The following CREBRF variants were observed in gnomAD, a reference collection of about 807,000 sequenced individuals.
CREBRF encodes the protein CREB3 regulatory factor, also known as UPF0474 protein C5orf41.
CREBRF carries 5 observed loss-of-function variants against 66.1 expected under a neutral mutation model. The observed-to-expected ratio is 0.08, with a 90% CI of 0.04 to 0.16. The LOEUF is 0.16. CREBRF is among the 10% of genes least tolerant of loss of function. CREBRF has a pLI of 1.00. For missense variants in CREBRF, 531 were observed against 744.9 expected, an observed-to-expected ratio of 0.71 and a Z score of 3.34; for synonymous variants, 229 against 264.4, an observed-to-expected ratio of 0.87 and a Z score of 1.30.
intron 4 of CREBRF, among the ~76,000 whole-genome samples, chr5:173,098,335 C>T (rs1036683628): frequency 2.0e-5 from 3 of 152,104 alleles, no homozygotes; most frequent in East Asian, 1.9e-4. Context: ...TACAGGCGCC[C>T]GCCACTACGC....
chr5:173,114,884 G>A (rs1228909983), intron 7 of CREBRF, among the ~76,000 whole-genome samples: 1 of 152,142 alleles, frequency 6.6e-6, no homozygotes, highest in Non-Finnish European at 1.5e-5. Flanking sequence ...GATGAATATG[G>A]CATCAGAGGA....
chr5:173,082,645 T>C (rs536126216), intron 2 of CREBRF, among the ~76,000 whole-genome samples: 65 of 151,032 alleles, frequency 4.3e-4, no homozygotes, highest in African/African-American at 1.5e-3. Flanking sequence ...CAGTGGCTCA[T>C]ATCTGTAATC....
At chr5:173,111,118 T>TA (rs1437731105) in intron 6 of CREBRF, among the ~76,000 whole-genome samples, 2 of 152,204 alleles carry the variant, frequency 1.3e-5, no homozygotes, top group Admixed American at 1.3e-4. Flanking sequence ...TTCATCATCT[T>TA]AAAAAGTTTC....
At chr5:173,081,771 CT>C (rs1757950975) in intron 2 of CREBRF, among the ~76,000 whole-genome samples, 1 of 151,934 alleles carries the variant, frequency 6.6e-6, no homozygotes, top group Non-Finnish European at 1.5e-5. Flanking sequence ...AATACAAAAA[CT>C]AGCTGAGTGT....
chr5:173,104,711 C>CAGAGAGAG (rs112995190), intron 4 of CREBRF, among the ~76,000 whole-genome samples: 1 of 146,506 alleles, frequency 6.8e-6, no homozygotes, highest in African/African-American at 2.5e-5. Context: ...GCAACAAATT[C>CAGAGAGAG]AGAGAGAGAG....
Position 173,131,178 on chromosome 5 carries a change from CCTCTAT to C in CREBRF, c.1805-2449_1805-2444del, listed in dbSNP as rs1344767687. ...TTTTGCTACATTTGCTTTATTTCTACCTCTATCTACATGTGTATTTTGGACAGGGAA... is the reference window on the plus strand; with the variant it reads ...TTTTGCTACATTTGCTTTATTTCTACCTACATGTGTATTTTGGACAGGGAA... On this transcript the variant is annotated intron_variant, in intron 8 of 8. Transcript: ENST00000296953. 3.3e-5 allele frequency among the ~76,000 whole-genome samples: 5 copies of C among 152,286 alleles called. No individual in the cohort carries two copies. The East Asian group carries it at 9.6e-4, about 29-fold the overall frequency.
At chr5:173,102,612 G>C (rs1245384375) in intron 4 of CREBRF, among the ~76,000 whole-genome samples, 1 of 152,122 alleles carries the variant, frequency 6.6e-6, no homozygotes, top group African/African-American at 2.4e-5. Context: ...AACCGGCAGT[G>C]GGGTGGGCTT....
At chr5:173,078,418 C>T (rs1245118452) in intron 1 of CREBRF, among the ~76,000 whole-genome samples, 1 of 151,822 alleles carries the variant, frequency 6.6e-6, no homozygotes, top group Non-Finnish European at 1.5e-5. Context: ...TATACAACAT[C>T]TCCTTATTCA....
At chr5:173,099,892 C>CT (rs530015508) in intron 4 of CREBRF, among the ~76,000 whole-genome samples, 5,280 of 135,812 alleles carry the variant, frequency 0.039, 139 homozygotes, top group South Asian at 0.09. Context: ...TTATATATAG[C>CT]TTTTTTTTTT....
chr5:173,097,937 C>G (rs1389825865), intron 4 of CREBRF, among the ~76,000 whole-genome samples: 3 of 151,260 alleles, frequency 2.0e-5, no homozygotes, highest in Non-Finnish European at 4.4e-5. Flanking sequence ...TCTTCTTTTT[C>G]TACTTCCTTG....
At chr5:173,117,645 CCTCT>C (rs139061048) in intron 7 of CREBRF, among the ~76,000 whole-genome samples, 42 of 67,088 alleles carry the variant, frequency 6.3e-4, no homozygotes, top group Middle Eastern at 7.8e-3. Context: ...CTCCTTCTCT[CCTCT>C]CTCTCTCTCT....
chr5:173,084,849 G>T (rs1411902235), intron 2 of CREBRF, among the ~76,000 whole-genome samples: 3 of 152,160 alleles, frequency 2.0e-5, no homozygotes, highest in Non-Finnish European at 4.4e-5. Flanking sequence ...GTTTCACTGT[G>T]TTAGCCAGGA....
At chr5:173,114,203 G>A (rs1193268347) in intron 7 of CREBRF, among the ~76,000 whole-genome samples, 1 of 152,146 alleles carries the variant, frequency 6.6e-6, no homozygotes, top group East Asian at 1.9e-4. Flanking sequence ...CTCAGTAAAT[G>A]AATTAGATAA....
At chr5:173,130,930 C>T (rs1252074966) in intron 8 of CREBRF, among the ~76,000 whole-genome samples, 1 of 152,190 alleles carries the variant, frequency 6.6e-6, no homozygotes, top group African/African-American at 2.4e-5. Context: ...TGGTCTCAAA[C>T]TCCTGACCCC....
At chr5:173,065,063 C>T (rs1377556368) in intron 1 of CREBRF, among the ~76,000 whole-genome samples, 2 of 152,174 alleles carry the variant, frequency 1.3e-5, no homozygotes, top group African/African-American at 4.8e-5. Context: ...TTTGAATCCT[C>T]TACTAGAGTT....
At chr5:173,108,173 T>A (rs890013627) in intron 4 of CREBRF, among the ~76,000 whole-genome samples, 28 of 151,084 alleles carry the variant, frequency 1.9e-4, no homozygotes, top group East Asian at 3.9e-4. Context: ...GAAAAATATT[T>A]AAAAAAAAAG....
intron 2 of CREBRF, among the ~76,000 whole-genome samples, chr5:173,082,041 T>TCTC (rs1317270338): frequency 7.8e-6 from 1 of 127,514 alleles, no homozygotes; most frequent in Non-Finnish European, 1.6e-5. Context: ...TGAGCTGGAG[T>TCTC]CTCACTCTGT....
intron 7 of CREBRF, among the ~76,000 whole-genome samples, chr5:173,120,292 GA>G (rs1288598322): frequency 6.6e-6 from 1 of 151,774 alleles, no homozygotes; most frequent in African/African-American, 2.4e-5. Flanking sequence ...TTTTTTTGGG[GA>G]AGATACTTGG....
intron 1 of CREBRF, among the ~76,000 whole-genome samples, chr5:173,077,703 C>CT (rs1757807264): frequency 6.6e-6 from 1 of 152,070 alleles, no homozygotes; most frequent in South Asian, 2.1e-4. Flanking sequence ...CTCCAGAACA[C>CT]TTTTATCATC....
Sources: gnomAD v4.1 joint callset for allele counts (sites outside exome capture counted in the v4.1 genomes callset) on GRCh38, gnomAD v4.1.1 for gene constraint, MANE v1.5 for transcripts, NCBI Gene and HGNC (gene_info 2026-07-23, HGNC 2026-07-21) for gene names.